RP1: variants seen among roughly 807,000 people sequenced by gnomAD.
RP1 encodes the protein RP1 axonemal microtubule associated.
A neutral mutation model predicts 14.8 loss-of-function variants in RP1; 16 were observed. The ratio of observed to expected loss-of-function variants is 1.08; its 90% CI spans 0.73 to 1.65. RP1 has a LOEUF of 1.65. RP1 is among the 40% of genes most tolerant of loss of function. RP1 has a pLI of 0.00. For synonymous variants in RP1, 876 were observed against 883.6 expected (o/e 0.99, Z 0.15); for missense variants, 2,631 against 2,535.0 (o/e 1.04, Z -0.81).
intron 21 of RP1, among the ~76,000 whole-genome samples, chr8:54,757,851 T>TGATCTGTGCA (rs1254839535): frequency 6.6e-6 from 1 of 152,206 alleles, no homozygotes; most frequent in Non-Finnish European, 1.5e-5. Flanking sequence ...GACAATGAGA[T>TGATCTGTGCA]GATCTGTGCA....
At chr8:54,785,815 G>GCCC (rs1314345073) in intron 24 of RP1, among the ~76,000 whole-genome samples, 6 of 151,844 alleles carry the variant, frequency 4.0e-5, no homozygotes, top group Admixed American at 2.0e-4. Flanking sequence ...ATGCTTATTG[G>GCCC]CCATTGGTGT....
chr8:54,812,466 T>G (rs1263703763), intron 24 of RP1, among the ~76,000 whole-genome samples: 1 of 152,222 alleles, frequency 6.6e-6, no homozygotes, highest in African/African-American at 2.4e-5. Flanking sequence ...AATGCATATA[T>G]TAATAGTTTC....
intron 23 of RP1, among the ~76,000 whole-genome samples, chr8:54,776,117 A>G (rs1175408243): frequency 6.6e-6 from 1 of 152,256 alleles, no homozygotes; most frequent in African/African-American, 2.4e-5. Context: ...GTTAGTTATA[A>G]GTAATCTAGA....
At chr8:54,862,588 C>T (rs945827454) in intron 27 of RP1, among the ~76,000 whole-genome samples, 2 of 152,052 alleles carry the variant, frequency 1.3e-5, no homozygotes, top group South Asian at 2.1e-4. Context: ...AGGTAACAGC[C>T]GCAAAGAGAG....
At chr8:54,755,101 G>C (rs924728515) in intron 20 of RP1, among the ~76,000 whole-genome samples, 1 of 152,122 alleles carries the variant, frequency 6.6e-6, no homozygotes, top group African/African-American at 2.4e-5. Flanking sequence ...AGTTGCTGGT[G>C]GATCTTAGAT....
chr8:54,791,065 T>A (rs1810452298), intron 24 of RP1, among the ~76,000 whole-genome samples: 1 of 152,002 alleles, frequency 6.6e-6, no homozygotes, highest in Non-Finnish European at 1.5e-5. Context: ...AAATAAATTG[T>A]CAAAAATGAA....
chr8:54,641,091 C>T (rs1026353035), intron 3 of RP1, among the ~76,000 whole-genome samples: 1 of 151,646 alleles, frequency 6.6e-6, no homozygotes, highest in East Asian at 1.9e-4. Flanking sequence ...ACTACAGGCA[C>T]CCGCCACCAC....
intron 19 of RP1, among the ~76,000 whole-genome samples, chr8:54,753,496 T>C (rs1809424188): frequency 6.6e-6 from 1 of 152,104 alleles, no homozygotes; most frequent in South Asian, 2.1e-4. Context: ...ATGTGTAAGC[T>C]ATGAAGGATG....
chr8:54,852,810 T>C (rs1812086642), intron 26 of RP1: 1 of 1,027,378 alleles, frequency 9.7e-7, no homozygotes, highest in African/African-American at 1.7e-5. Context: ...AAACAGAAAA[T>C]TTCTGAGATG....
intron 12 of RP1, among the ~76,000 whole-genome samples, chr8:54,690,778 G>A (rs543998121): frequency 1.6e-4 from 25 of 151,934 alleles, no homozygotes; most frequent in African/African-American, 5.1e-4. Flanking sequence ...TCAGAATCTC[G>A]CAAGAGATCT....
downstream of RP1, among the ~76,000 whole-genome samples, chr8:54,633,504 A>G (rs984182288): frequency 6.6e-6 from 1 of 152,144 alleles, no homozygotes; most frequent in Non-Finnish European, 1.5e-5. Flanking sequence ...CACTCATTAA[A>G]GTTCTTATGA....
intron 24 of RP1, among the ~76,000 whole-genome samples, chr8:54,784,225 G>A (rs1810264295): frequency 2.0e-5 from 3 of 152,104 alleles, no homozygotes; most frequent in African/African-American, 4.8e-5. Context: ...TAACCTTTCT[G>A]TGCCTCACTT....
At chr8:54,594,505 T>C (rs1805097695) in intron 1 of RP1, among the ~76,000 whole-genome samples, 1 of 152,230 alleles carries the variant, frequency 6.6e-6, no homozygotes, top group Non-Finnish European at 1.5e-5. Context: ...TTTGAAAAGC[T>C]CTGGAGACAA....
At chr8:54,723,636 C>T (rs973105788) in intron 16 of RP1, among the ~76,000 whole-genome samples, 1 of 152,150 alleles carries the variant, frequency 6.6e-6, no homozygotes, top group Admixed American at 6.5e-5. Flanking sequence ...AGAAGATTCT[C>T]CATTGATTAT....
intron 5 of RP1, among the ~76,000 whole-genome samples, chr8:54,654,551 C>T (rs1194535874): frequency 6.6e-6 from 1 of 152,172 alleles, no homozygotes; most frequent in African/African-American, 2.4e-5. Flanking sequence ...AGTGACATTA[C>T]ATTGTATCAG....
chr8:54,678,469 T>C, exon 9 of RP1: 1 of 1,534,390 alleles, frequency 6.5e-7, no homozygotes, highest in Non-Finnish European at 8.7e-7. Context: ...AGGAAATGGT[T>C]GGTTTCTTGA....
At chr8:54,566,760 C>T (rs1255600638) in intron 1 of RP1, among the ~76,000 whole-genome samples, 2 of 152,176 alleles carry the variant, frequency 1.3e-5, no homozygotes, top group Non-Finnish European at 1.5e-5. Flanking sequence ...GCCTCCACCC[C>T]AGTCATTTGA....
At chr8:54,584,004 G>A (rs1359775419) in intron 1 of RP1, among the ~76,000 whole-genome samples, 3 of 151,952 alleles carry the variant, frequency 2.0e-5, no homozygotes, top group East Asian at 3.9e-4. Flanking sequence ...ATTTCCTTCA[G>A]TTCTTCTCTG....
chr8:54,624,866 C>T lies in RP1; in HGVS notation c.984C>T (p.Asp328=), dbSNP rs776574526. Residue 328 remains aspartate (D), a synonymous_variant, in exon 4 of 4, where the codon GAC becomes GAT. Coordinates refer to ENST00000220676, the MANE Select transcript of RP1 (RefSeq NM_006269.2). Reference sequence around the variant, plus strand: ...AGAAATCAATTATTTTTAATCAAGACGGCACTATGACAGTTGAGATGAAAG... The same window carrying T: ...AGAAATCAATTATTTTTAATCAAGATGGCACTATGACAGTTGAGATGAAAG... ...DIEKSIIFNQ[D]GTMTVEMKVR... 1.9e-5 allele frequency: 30 copies of T among 1,613,288 alleles called. No homozygotes were observed. Among genetic ancestry groups the T allele is most frequent in the Admixed American group, 1.7e-4 (10 of 59,914 alleles).
Sources: allele counts gnomAD v4.1 joint callset (sites outside exome capture counted in the v4.1 genomes callset), GRCh38; gene constraint gnomAD v4.1.1; transcripts MANE v1.5; gene names NCBI Gene and HGNC (gene_info 2026-07-23, HGNC 2026-07-21).